Variants in OGA observed in about 807,000 individuals in gnomAD.
OGA encodes protein O-GlcNAcase.
In OGA, 21 loss-of-function variants were observed where a neutral mutation model predicts 102.0. The ratio of observed to expected loss-of-function variants is 0.21; its 90% CI spans 0.15 to 0.30. The LOEUF is 0.30. Ranked by LOEUF, OGA falls within the 10% of genes least tolerant of loss-of-function variation. The pLI is 1.00. For synonymous variants in OGA, 408 were observed against 378.2 expected (o/e 1.08, Z -0.91); for missense variants, 765 against 1,107.8 (o/e 0.69, Z 4.39).
Position 101,787,358 on chromosome 10 carries a change from A to G in OGA, c.2614+6T>C. ...AATACCACCAACTCCACAAATATGT[A>G]CTCACCATTAGCCTTCAGTGAAGAC... On this transcript the variant is annotated splice_donor_region_variant and intron_variant, in intron 15 of 15. Coordinates refer to ENST00000361464, the MANE Select transcript of OGA (RefSeq NM_012215.5). The G allele has an allele frequency of 6.2e-7, 1 of 1,606,612 alleles. No individual in the cohort carries two copies. Among genetic ancestry groups the G allele is most frequent in the Non-Finnish European group, 8.5e-7 (1 of 1,174,230 alleles).
chr10:101,812,916 G>A (rs1564651016), intron 3 of OGA, 114 bp downstream of exon 3: 4 of 878,716 alleles, frequency 4.6e-6, no homozygotes, highest in Non-Finnish European at 7.6e-6. Flanking sequence ...AGAAGAAAAG[G>A]AAACTACCTA....
chr10:101,796,085 C>T (rs1233792313), intron 10 of OGA: 1 of 218,714 alleles, frequency 4.6e-6, no homozygotes, highest in South Asian at 1.6e-4. Context: ...GCTCAATAAT[C>T]CAGATTTCAG....
At chr10:101,813,730 C>A (rs562798390) in intron 1 of OGA, 124 bp from the exon 2 acceptor site, 4 of 486,064 alleles carry the variant, frequency 8.2e-6, no homozygotes, top group Admixed American at 6.9e-5. Context: ...TACACCAAAT[C>A]GGAAGGATAT....
chr10:101,793,714 G>A (rs543594363), intron 11 of OGA, 199 bp downstream of exon 11: 1 of 508,178 alleles, frequency 2.0e-6, no homozygotes, highest in African/African-American at 1.9e-5. Flanking sequence ...GCAGGCGCGG[G>A]GGGGATTGGC....
At chr10:101,812,915 G>A (rs1292890664) in intron 3 of OGA, 115 bp downstream of exon 3, 2 of 873,236 alleles carry the variant, frequency 2.3e-6, no homozygotes, top group African/African-American at 3.4e-5. Context: ...TAGAAGAAAA[G>A]GAAACTACCT....
At chr10:101,799,682 T>C (rs2065364052) in intron 8 of OGA, among the ~76,000 whole-genome samples, 1 of 152,230 alleles carries the variant, frequency 6.6e-6, no homozygotes, top group Non-Finnish European at 1.5e-5. Context: ...TACTATTACA[T>C]TCTCTTTTGA....
intron 1 of OGA, among the ~76,000 whole-genome samples, chr10:101,814,074 T>C (rs2065591687): frequency 6.7e-6 from 1 of 150,270 alleles, no homozygotes; most frequent in African/African-American, 2.5e-5. Flanking sequence ...ACGCCTGTAA[T>C]CCCAGCACTT....
At position 101,799,422 on chromosome 10, in the gene OGA, C is replaced by G; in HGVS notation, c.1229G>C (p.Ser410Thr). Residue 410 changes from serine to threonine, a missense_variant, in exon 9 of 16, where the codon AGT (serine) becomes ACT (threonine). This residue lies in a region of OGA where 281 missense variants were observed against 345.8 expected (regional missense o/e 0.81). Coordinates refer to ENST00000361464, the MANE Select transcript of OGA (RefSeq NM_012215.5). Reference sequence around the variant, plus strand: ...AACTAAAGGAGTCCCATCAACTACACTTGCTTTAGCTCCACTGTGTGCAAC... The same window carrying G: ...AACTAAAGGAGTCCCATCAACTACAGTTGCTTTAGCTCCACTGTGTGCAAC... ...RQVAHSGAKA[S>T]VVDGTPLVAA... 1 of 1,613,960 alleles carries G rather than the reference C, an allele frequency of 6.2e-7. No homozygotes were observed. The highest frequency in any genetic ancestry group is 8.5e-7 in the Non-Finnish European group (1 of 1,179,848).
intron 10 of OGA, among the ~76,000 whole-genome samples, chr10:101,796,568 CTTTA>C (rs1047353188): frequency 3.3e-5 from 5 of 151,342 alleles, no homozygotes; most frequent in Admixed American, 6.6e-5. Context: ...TCAGTATTTC[CTTTA>C]TTTATTTATT....
chr10:101,791,129 C>A, intron 13 of OGA, 41 bp from the exon 14 acceptor site: 1 of 1,555,568 alleles, frequency 6.4e-7, no homozygotes, highest in Non-Finnish European at 8.7e-7. Flanking sequence ...TTTTCAGTTG[C>A]TAATATAAAA....
At chr10:101,796,345 T>G (rs2065316487) in intron 10 of OGA, among the ~76,000 whole-genome samples, 1 of 152,014 alleles carries the variant, frequency 6.6e-6, no homozygotes, top group Non-Finnish European at 1.5e-5. Flanking sequence ...CACTGCAACC[T>G]CCACCTCCTG....
Position 101,799,104 on chromosome 10 carries a change from A to G in OGA, c.1547T>C (p.Met516Thr). 2 of 1,614,232 alleles carry G rather than the reference A, an allele frequency of 1.2e-6. No individual in the cohort carries two copies. Among genetic ancestry groups the G allele is most frequent in the Non-Finnish European group, 1.7e-6 (2 of 1,180,038 alleles). Residue 516 changes from methionine (M) to threonine (T), a missense_variant, in exon 9 of 16, where the codon ATG (methionine) becomes ACG (threonine). Coordinates refer to ENST00000361464, the MANE Select transcript of OGA (RefSeq NM_012215.5). ...IAESKSPEMS[M>T]QEDCISDIAP... ...AATGTCACTAATACAATCTTCTTGC[A>G]TGGACATCTCTGGGGATTTTGATTC...
rs2065262941 is a variant in OGA, at chr10:101,791,826, T to G, written c.2176-387A>C. Among the ~76,000 whole-genome samples, 3 of 149,146 alleles carry G rather than the reference T, an allele frequency of 2.0e-5. No homozygotes were observed. The South Asian group carries it at 6.4e-4, about 32-fold the overall frequency. On this transcript the variant is annotated intron_variant, in intron 12 of 15. Coordinates refer to ENST00000361464, the MANE Select transcript of OGA (RefSeq NM_012215.5). Reference sequence around the variant, plus strand: ...GGATTACAGGCATACGCCACCATACTCATCTAATTTTTTTTTTTTTTTGAG... The same window carrying G: ...GGATTACAGGCATACGCCACCATACGCATCTAATTTTTTTTTTTTTTTGAG...
chr10:101,798,984 T>C lies in OGA; in HGVS notation c.1667A>G (p.Glu556Gly), dbSNP rs1200042246. 1 of 1,614,220 alleles carries C rather than the reference T, an allele frequency of 6.2e-7. No individual in the cohort carries two copies. Among genetic ancestry groups the C allele is most frequent in the Admixed American group, 1.7e-5 (1 of 60,018 alleles). The stretch of plus-strand genomic sequence containing the variant: ...TAGATCAGCAAGTAACTGCAAATCC[T>C]CCAGGGTCACTGGTTCCGCAGTGTA... ...PLYTAEPVTL[E>G]DLQLLADLFY... is the part of the protein sequence containing the mutation. Residue 556 changes from glutamate to glycine, a missense_variant, in exon 9 of 16, where the codon GAG becomes GGG. Physicochemically the swap from Glu to Gly is moderately conservative, Grantham distance 98 (BLOSUM62 -2). Coordinates refer to ENST00000361464, the MANE Select transcript of OGA (RefSeq NM_012215.5).
chr10:101,795,653 C>T lies in OGA; in HGVS notation c.1985-1655G>A, dbSNP rs186059226. ...AGAACCAAGAAAATACTCTCCCTGTCGTGAGCTTTTGTAAAGCTATGTGGA... is the reference window on the plus strand; with the variant it reads ...AGAACCAAGAAAATACTCTCCCTGTTGTGAGCTTTTGTAAAGCTATGTGGA... On this transcript the variant is annotated intron_variant, in intron 10 of 15. Transcript: ENST00000361464. Among the ~76,000 whole-genome samples the T allele has an allele frequency of 1.0e-3, 159 of 152,250 alleles. 1 individual carries two copies. The highest frequency in any genetic ancestry group is 3.7e-3 in the African/African-American group (152 of 41,554).
chr10:101,806,128 A>G lies in OGA; in HGVS notation c.668T>C (p.Phe223Ser). The G allele has an allele frequency of 1.2e-6, 2 of 1,602,764 alleles. No individual in the cohort carries two copies. Among genetic ancestry groups the G allele is most frequent in the Non-Finnish European group, 1.7e-6 (2 of 1,169,630 alleles). The stretch of plus-strand genomic sequence containing the variant: ...AGACTGAGACACATTTGGATAACAG[A>G]AAGTGCCACAGTATTCTAAATGTAG... The part of the protein sequence containing the change: ...LFCPTEYCGT[F>S]CYPNVSQSPY... Residue 223 changes from phenylalanine to serine, a missense_variant, in exon 6 of 16, where the codon TTC becomes TCC. Phe to Ser is a radical substitution (Grantham distance 155). Around this residue, in one of 7 missense-constraint regions of OGA, gnomAD observed 165 missense variants for 249.7 expected, o/e 0.66. Transcript: ENST00000361464.
At chr10:101,791,307 CCT>C in intron 13 of OGA, 45 bp downstream of exon 13, 1 of 1,475,088 alleles carries the variant, frequency 6.8e-7, no homozygotes, top group Non-Finnish European at 9.5e-7. Flanking sequence ...ACCTGATAAG[CCT>C]CACTATGAAA....
At chr10:101,813,509 T>TA (rs1414074844) in intron 2 of OGA, 46 bp downstream of exon 2, 47 of 1,201,822 alleles carry the variant, frequency 3.9e-5, no homozygotes, top group Non-Finnish European at 5.4e-5. Context: ...AAGAAAATGT[T>TA]AAGAGTTTAA....
chr10:101,787,740 T>G, intron 14 of OGA: 6 of 488,354 alleles, frequency 1.2e-5, no homozygotes, highest in East Asian at 6.7e-5. Context: ...GGGGCAGGCA[T>G]TCTCCCTCGC....
Sources: gnomAD v4.1 joint callset for allele counts (sites outside exome capture counted in the v4.1 genomes callset) on GRCh38, gnomAD v4.1.1 for gene constraint, gnomAD v4.1.1 regional missense constraint, MANE v1.5 for transcripts, NCBI Gene and HGNC (gene_info 2026-07-23, HGNC 2026-07-21) for gene names.